Variants in RBFOX3 observed in about 807,000 individuals in gnomAD.
The protein encoded by RBFOX3 is RNA binding fox-1 homolog 3.
A neutral mutation model predicts 48.7 loss-of-function variants in RBFOX3; 17 were observed. The observed-to-expected ratio is 0.35, with a 90% CI of 0.24 to 0.52. The LOEUF (loss-of-function observed/expected upper bound fraction) is 0.52, where lower values mean the gene tolerates loss of function less well. Ranked by LOEUF, RBFOX3 falls within the 20% of genes least tolerant of loss-of-function variation. RBFOX3 has a pLI of 0.94. For synonymous variants in RBFOX3, 212 were observed against 209.5 expected (o/e 1.01, Z -0.10); for missense variants, 382 against 497.5 (o/e 0.77, Z 2.21).
chr17:79,474,872 T>A (rs1445788598), intron 2 of RBFOX3, among the ~76,000 whole-genome samples: 1 of 152,068 alleles, frequency 6.6e-6, no homozygotes, highest in East Asian at 1.9e-4. Context: ...GGTCTCTTTT[T>A]CCCTCTGTTT....
At chr17:79,333,000 CAG>C (rs1237428307) in intron 2 of RBFOX3, among the ~76,000 whole-genome samples, 9 of 146,336 alleles carry the variant, frequency 6.2e-5, no homozygotes, top group Admixed American at 3.4e-4. Context: ...GAGAGAGAAA[CAG>C]AGGAAGAGAG....
intron 2 of RBFOX3, among the ~76,000 whole-genome samples, chr17:79,350,060 C>T (rs2083609205): frequency 6.6e-6 from 1 of 152,192 alleles, no homozygotes; most frequent in South Asian, 2.1e-4. Flanking sequence ...TCCATTCCCG[C>T]CCCACCTGTG....
intron 1 of RBFOX3, among the ~76,000 whole-genome samples, chr17:79,593,548 G>A (rs1017431100): frequency 1.8e-3 from 271 of 152,326 alleles, no homozygotes; most frequent in Non-Finnish European, 3.1e-3. Context: ...AGAGAATGGG[G>A]CAGAGATCTG....
chr17:79,297,477 A>C (rs971430316), intron 3 of RBFOX3, among the ~76,000 whole-genome samples: 1 of 152,086 alleles, frequency 6.6e-6, no homozygotes, highest in African/African-American at 2.4e-5. Context: ...ATCCCCCGGT[A>C]CCACTGAGAC....
chr17:79,100,868 A>G (rs553860638), intron 9 of RBFOX3, among the ~76,000 whole-genome samples: 35 of 152,176 alleles, frequency 2.3e-4, no homozygotes, highest in African/African-American at 8.0e-4. Context: ...AAGACCGGCC[A>G]CCTCCGTTTG....
At chr17:79,276,385 T>A (rs2377394) in intron 3 of RBFOX3, among the ~76,000 whole-genome samples, 25,077 of 151,982 alleles carry the variant, frequency 0.17, 2,619 homozygotes, top group African/African-American at 0.29. Context: ...GCTGCTTTTT[T>A]AAAAAAATAA....
At chr17:79,370,912 G>A (rs1470662281) in intron 2 of RBFOX3, among the ~76,000 whole-genome samples, 1 of 152,224 alleles carries the variant, frequency 6.6e-6, no homozygotes, top group East Asian at 1.9e-4. Context: ...GGAGAAACCA[G>A]TGCCCCCATG....
At chr17:79,247,455 G>A (rs1567911546) in intron 3 of RBFOX3, among the ~76,000 whole-genome samples, 1 of 151,812 alleles carries the variant, frequency 6.6e-6, no homozygotes, top group Non-Finnish European at 1.5e-5. Context: ...TGGGATTACA[G>A]GTGTGCACAC....
chr17:79,621,947 C>T, the RBFOX3 span, among the ~76,000 whole-genome samples: 1 of 152,206 alleles, frequency 6.6e-6, no homozygotes, highest in Non-Finnish European at 1.5e-5. Context: ...AAGGGACAGG[C>T]TGCAGAGAAG....
chr17:79,339,289 C>T (rs1206592533), intron 2 of RBFOX3, among the ~76,000 whole-genome samples: 2 of 152,136 alleles, frequency 1.3e-5, no homozygotes, highest in Non-Finnish European at 2.9e-5. Flanking sequence ...GTCCTGAGCT[C>T]GAGTGATCCT....
At chr17:79,117,273 G>C (rs973397803) in intron 4 of RBFOX3, among the ~76,000 whole-genome samples, 3 of 152,208 alleles carry the variant, frequency 2.0e-5, no homozygotes, top group African/African-American at 7.2e-5. Flanking sequence ...AGATGTGGAT[G>C]GGTCTGACGC....
intron 1 of RBFOX3, among the ~76,000 whole-genome samples, chr17:79,576,179 C>T (rs2092850306): frequency 6.6e-6 from 1 of 152,240 alleles, no homozygotes; most frequent in South Asian, 2.1e-4. Flanking sequence ...AGAAGAAATT[C>T]TTGCCTGAAG....
chr17:79,506,541 C>T (rs1555778817), intron 1 of RBFOX3, among the ~76,000 whole-genome samples: 1 of 152,198 alleles, frequency 6.6e-6, no homozygotes, highest in East Asian at 1.9e-4. Flanking sequence ...CCCTACCTTC[C>T]TGCAGCACTG....
At chr17:79,331,571 T>C (rs955434329) in intron 2 of RBFOX3, among the ~76,000 whole-genome samples, 11 of 152,172 alleles carry the variant, frequency 7.2e-5, no homozygotes, top group African/African-American at 2.2e-4. Flanking sequence ...GTGTTGTTAT[T>C]AGACGTTTTC....
At chr17:79,542,459 G>C (rs1161538728) in intron 1 of RBFOX3, among the ~76,000 whole-genome samples, 1 of 152,234 alleles carries the variant, frequency 6.6e-6, no homozygotes, top group African/African-American at 2.4e-5. Context: ...GCTTAGACCA[G>C]TCTGTCTGAT....
rs895731231 is a variant in RBFOX3 at position 79,246,880 on chromosome 17, G to A, written c.-73-11075C>T. Among the ~76,000 whole-genome samples, 10 of 152,296 alleles carry A rather than the reference G, an allele frequency of 6.6e-5. No homozygotes were observed. In the East Asian group the frequency reaches 9.6e-4, roughly 15 times the overall value. On this transcript the variant is annotated intron_variant, in intron 3 of 14. Transcript: ENST00000693108. ...AATGGGATGGGGGTGGGGGGAGAAC[G>A]GCGGAGACAGGAAAAGGAGCCGAGT...
At chr17:79,644,311 A>G in the RBFOX3 span, among the ~76,000 whole-genome samples, 1 of 152,204 alleles carries the variant, frequency 6.6e-6, no homozygotes, top group East Asian at 1.9e-4. Context: ...AAATCTTCCC[A>G]GTATGCTTTA....
intron 2 of RBFOX3, among the ~76,000 whole-genome samples, chr17:79,387,051 C>T (rs1231528618): frequency 1.6e-4 from 24 of 152,218 alleles, no homozygotes; most frequent in Non-Finnish European, 1.3e-4. Context: ...AGGCCAGTAC[C>T]TCTAGTACTG....
chr17:79,215,213 C>T (rs551925262), intron 4 of RBFOX3, among the ~76,000 whole-genome samples: 2 of 152,184 alleles, frequency 1.3e-5, no homozygotes, highest in East Asian at 1.9e-4. Flanking sequence ...CTCCCAGGCC[C>T]CAGACTGCAT....
Sources: gnomAD v4.1 joint callset for allele counts (sites outside exome capture counted in the v4.1 genomes callset) on GRCh38, gnomAD v4.1.1 for gene constraint, MANE v1.5 for transcripts, NCBI Gene and HGNC (gene_info 2026-07-23, HGNC 2026-07-21) for gene names.